BDP1: variants seen among roughly 807,000 people sequenced by gnomAD.
BDP1 encodes the protein transcription factor TFIIIB component B'' homolog.
BDP1 carries 169 observed loss-of-function variants against 266.6 expected under a neutral mutation model. The ratio of observed to expected loss-of-function variants is 0.63; its 90% CI spans 0.56 to 0.72. BDP1 has a LOEUF of 0.72. Ranked by LOEUF, BDP1 falls within the 30% of genes least tolerant of loss-of-function variation. The pLI is 0.00. For synonymous variants in BDP1, 1,090 were observed against 1,022.4 expected, an observed-to-expected ratio of 1.07 and a Z score of -1.26; for missense variants, 3,015 against 3,053.8, an observed-to-expected ratio of 0.99 and a Z score of 0.30.
chr5:71,472,127 G>T (rs1196080676), intron 7 of BDP1, among the ~76,000 whole-genome samples: 1 of 152,198 alleles, frequency 6.6e-6, no homozygotes, highest in Non-Finnish European at 1.5e-5. Flanking sequence ...TTTCCTGAAA[G>T]GTTACTATGG....
chr5:71,518,796 C>T (rs1022960235), intron 22 of BDP1, among the ~76,000 whole-genome samples: 2 of 149,948 alleles, frequency 1.3e-5, no homozygotes, highest in African/African-American at 2.5e-5. Flanking sequence ...TTCATTTAGA[C>T]GAGTTTCTAA....
In BDP1 at chr5:71,512,518, G is replaced by A. The variant is rs1305781582; in HGVS notation, c.4247+90G>A. 12 of 828,724 alleles carry A rather than the reference G, an allele frequency of 1.4e-5. No homozygotes were observed. The Admixed American group carries it at 3.0e-4, about 21-fold the overall frequency. The allele number at this position is 828,724 out of a possible 1,614,324, so 51.3% of individuals were successfully genotyped here. A position where few individuals can be genotyped will look rare whatever the true frequency, so the allele number is the denominator to read the frequency against. ...AGGTTTCAAGATATAACATATACAG[G>A]ATAGTGTTAGAGCTTTTAAGATAGT... On this transcript the variant is annotated intron_variant, in intron 18 of 38. Coordinates refer to ENST00000358731, the MANE Select transcript of BDP1 (RefSeq NM_018429.3).
chr5:71,551,612 A>G (rs982263022), intron 34 of BDP1, among the ~76,000 whole-genome samples: 6 of 152,124 alleles, frequency 3.9e-5, no homozygotes, highest in African/African-American at 9.7e-5. Context: ...CCCATTCTCA[A>G]TGAGCCGCTG....
intron 23 of BDP1, 105 bp from the exon 24 acceptor site, chr5:71,522,651 C>A: frequency 8.2e-7 from 1 of 1,223,950 alleles, no homozygotes; most frequent in Non-Finnish European, 1.1e-6. Flanking sequence ...CAACCAACTG[C>A]TTGTAGATAT....
At position 71,495,264 on chromosome 5, in the gene BDP1, C is replaced by A; in HGVS notation, c.1655C>A (p.Ala552Asp). ...CTTTTTTTTAGTAATCAACAAGATGCCACATCAGTAGCAACTGAGTCTTCA... is the reference window on the plus strand; with the variant it reads ...CTTTTTTTTAGTAATCAACAAGATGACACATCAGTAGCAACTGAGTCTTCA... Reference protein sequence around the residue: ...PILSLSNQQDATSVATESSES... With the variant: ...PILSLSNQQDDTSVATESSES... Residue 552 changes from alanine (A) to aspartate (D), a missense_variant, in exon 12 of 39, where the codon GCC (alanine) becomes GAC (aspartate). This residue lies in a region of BDP1 where 2,383 missense variants were observed against 2,404.9 expected (regional missense o/e 0.99). Coordinates refer to ENST00000358731, the MANE Select transcript of BDP1 (RefSeq NM_018429.3). 2 of 1,561,592 alleles carry A rather than the reference C, an allele frequency of 1.3e-6. No homozygotes were observed. Among genetic ancestry groups the A allele is most frequent in the Non-Finnish European group, 8.7e-7 (1 of 1,153,710 alleles).
chr5:71,552,009 A>G (rs1331728702), intron 34 of BDP1, among the ~76,000 whole-genome samples: 1 of 131,566 alleles, frequency 7.6e-6, no homozygotes, highest in African/African-American at 3.0e-5. Context: ...GCTGACCCCC[A>G]CCTCCCTCCC....
chr5:71,548,884 T>G (rs997088676), intron 33 of BDP1, 139 bp downstream of exon 33: 2 of 665,488 alleles, frequency 3.0e-6, no homozygotes, highest in African/African-American at 3.6e-5. Flanking sequence ...TAGAAACACC[T>G]TGAAGTATTT....
chr5:71,531,121 CTT>C (rs1374034833), intron 25 of BDP1, among the ~76,000 whole-genome samples: 2 of 152,022 alleles, frequency 1.3e-5, no homozygotes, highest in East Asian at 3.9e-4. Flanking sequence ...AGACTTGACT[CTT>C]TACTCACAGT....
At chr5:71,544,787 G>C (rs1742147041) in intron 31 of BDP1, among the ~76,000 whole-genome samples, 1 of 143,512 alleles carries the variant, frequency 7.0e-6, no homozygotes, top group Admixed American at 7.6e-5. Flanking sequence ...GGCCGAGGCA[G>C]GAGAATCGTG....
intron 35 of BDP1, among the ~76,000 whole-genome samples, chr5:71,553,824 C>T (rs983753530): frequency 1.3e-5 from 2 of 152,220 alleles, no homozygotes; most frequent in African/African-American, 4.8e-5. Flanking sequence ...TTCTGCCTCA[C>T]TTTCTGGCCA....
intron 6 of BDP1, among the ~76,000 whole-genome samples, chr5:71,467,736 A>G (rs1168650538): frequency 1.3e-5 from 2 of 152,126 alleles, no homozygotes; most frequent in Non-Finnish European, 2.9e-5. Context: ...TACACCTGTA[A>G]TCCCTGCACT....
At chr5:71,557,764 C>T (rs1223898943) in intron 36 of BDP1, among the ~76,000 whole-genome samples, 1 of 144,522 alleles carries the variant, frequency 6.9e-6, no homozygotes, top group Non-Finnish European at 1.5e-5. Context: ...TCTTGAACTC[C>T]TGGCTTCAAG....
chr5:71,485,188 A>G (rs949671455), intron 8 of BDP1, among the ~76,000 whole-genome samples: 2 of 152,210 alleles, frequency 1.3e-5, no homozygotes, highest in Admixed American at 6.5e-5. Flanking sequence ...TTGTATGCCT[A>G]TAGGCCCAGC....
intron 35 of BDP1, among the ~76,000 whole-genome samples, chr5:71,554,513 T>C (rs1025989169): frequency 5.9e-5 from 9 of 152,240 alleles, no homozygotes; most frequent in Admixed American, 2.6e-4. Flanking sequence ...TGCCCCCATG[T>C]ACCAGTCACC....
chr5:71,524,423 A>G, intron 25 of BDP1, 100 bp downstream of exon 25: 2 of 1,253,678 alleles, frequency 1.6e-6, no homozygotes, highest in Non-Finnish European at 2.2e-6. Flanking sequence ...GATTATTAGG[A>G]TTTGAAGAGT....
chr5:71,554,822 C>T (rs898214744), intron 35 of BDP1, among the ~76,000 whole-genome samples: 6 of 152,054 alleles, frequency 3.9e-5, no homozygotes, highest in Non-Finnish European at 5.9e-5. Flanking sequence ...TGCTTAGGAC[C>T]GGAAGTGTTT....
intron 36 of BDP1, among the ~76,000 whole-genome samples, chr5:71,559,445 C>G (rs550475103): frequency 6.6e-6 from 1 of 152,308 alleles, no homozygotes; most frequent in South Asian, 2.1e-4. Context: ...AGAACAAGGC[C>G]TTAGCTATAC....
At chr5:71,536,186 T>C (rs1271152747) in intron 26 of BDP1, among the ~76,000 whole-genome samples, 4 of 152,298 alleles carry the variant, frequency 2.6e-5, no homozygotes, top group African/African-American at 7.2e-5. Flanking sequence ...TTTTATTGGT[T>C]GTGTTGAGGA....
At chr5:71,502,288 C>T (rs749520946) in intron 14 of BDP1, among the ~76,000 whole-genome samples, 6 of 151,194 alleles carry the variant, frequency 4.0e-5, no homozygotes, top group Non-Finnish European at 8.8e-5. Context: ...GATTCTTCTG[C>T]CTCAGCCTCC....
Sources: allele counts gnomAD v4.1 joint callset (sites outside exome capture counted in the v4.1 genomes callset), GRCh38; gene constraint gnomAD v4.1.1; regional missense constraint gnomAD v4.1.1; transcripts MANE v1.5; gene names NCBI Gene and HGNC (gene_info 2026-07-23, HGNC 2026-07-21).